Variants in PCDHA4 observed in about 807,000 individuals in gnomAD.
The protein encoded by PCDHA4 is protocadherin alpha-4.
PCDHA4 carries 49 observed loss-of-function variants against 61.4 expected under a neutral mutation model. The observed-to-expected ratio is 0.80, with a 90% CI of 0.63 to 1.01. The LOEUF (loss-of-function observed/expected upper bound fraction) is 1.01, where lower values mean the gene tolerates loss of function less well. PCDHA4 is among the 50% of genes least tolerant of loss of function. The probability of loss-of-function intolerance (pLI) is 0.00; values close to 1 mark genes in which losing one functional copy is unlikely to be tolerated. For missense variants in PCDHA4, 1,254 were observed against 1,235.8 expected, an observed-to-expected ratio of 1.01 and a Z score of -0.22; for synonymous variants, 590 against 550.3, an observed-to-expected ratio of 1.07 and a Z score of -1.01.
chr5:140,877,326 G>C (rs781931363), intron 1 of PCDHA4: 3 of 1,613,964 alleles, frequency 1.9e-6, no homozygotes. Flanking sequence ...CGGTCGGCGC[G>C]CACATCCCGT....
intron 3 of PCDHA4, among the ~76,000 whole-genome samples, chr5:141,003,395 T>G (rs1217089473): frequency 6.6e-6 from 1 of 152,160 alleles, no homozygotes; most frequent in Non-Finnish European, 1.5e-5. Flanking sequence ...CACTGAAACC[T>G]CCGCCTCCCG....
intron 1 of PCDHA4, among the ~76,000 whole-genome samples, chr5:140,913,421 A>T (rs2076328410): frequency 6.6e-6 from 1 of 152,144 alleles, no homozygotes; most frequent in Non-Finnish European, 1.5e-5. Flanking sequence ...CTGCAGTATC[A>T]GTTGTAATGC....
At chr5:140,856,911 T>C in intron 1 of PCDHA4, 2 of 1,595,928 alleles carry the variant, frequency 1.3e-6, no homozygotes, top group South Asian at 2.2e-5. Context: ...CCACCCACGA[T>C]AAGAAGGAAA....
At chr5:140,856,634 C>A (rs2044123180) in intron 1 of PCDHA4, 2 of 1,597,826 alleles carry the variant, frequency 1.3e-6, no homozygotes, top group African/African-American at 1.3e-5. Flanking sequence ...GCTTGTTCTG[C>A]GGAAGCTGCT....
At chr5:140,997,504 C>T (rs2097772452) in intron 3 of PCDHA4, among the ~76,000 whole-genome samples, 1 of 152,042 alleles carries the variant, frequency 6.6e-6, no homozygotes, top group South Asian at 2.1e-4. Flanking sequence ...TCTCAACATA[C>T]CTAAACGCAG....
chr5:140,810,836 A>G (rs1562230266), intron 1 of PCDHA4: 1 of 152,108 alleles, frequency 6.6e-6, no homozygotes, highest in East Asian at 1.9e-4. Flanking sequence ...ATAGAAAGTC[A>G]TAATTTTGAT....
chr5:140,942,590 A>G (rs868979857), intron 1 of PCDHA4, among the ~76,000 whole-genome samples: 1 of 148,658 alleles, frequency 6.7e-6, no homozygotes, highest in Admixed American at 6.8e-5. Context: ...GATGTCACAT[A>G]TAATTATAGT....
At chr5:141,006,553 G>A (rs1554260809) in intron 3 of PCDHA4, among the ~76,000 whole-genome samples, 1 of 152,168 alleles carries the variant, frequency 6.6e-6, no homozygotes, top group African/African-American at 2.4e-5. Context: ...AAGAAATAAA[G>A]ATGACTCTGG....
intron 3 of PCDHA4, among the ~76,000 whole-genome samples, chr5:141,007,101 A>T (rs1412645072): frequency 6.6e-5 from 10 of 152,188 alleles, no homozygotes; most frequent in African/African-American, 1.7e-4. Flanking sequence ...TCTAGGGCCA[A>T]ACCCAAGGAA....
chr5:140,849,923 G>C, intron 1 of PCDHA4: 3 of 1,598,322 alleles, frequency 1.9e-6, no homozygotes, highest in Non-Finnish European at 2.6e-6. Context: ...ACATCTTCAC[G>C]GTGTCTGCGC....
intron 1 of PCDHA4, chr5:140,822,153 T>C (rs2150114152): frequency 6.2e-7 from 1 of 1,614,244 alleles, no homozygotes; most frequent in South Asian, 1.1e-5. Context: ...AGGACATCAA[T>C]GACAATCCGC....
At chr5:140,823,630 A>G in intron 1 of PCDHA4, 2 of 1,614,062 alleles carry the variant, frequency 1.2e-6, no homozygotes, top group Non-Finnish European at 1.7e-6. Context: ...CAGTGCGCGC[A>G]TCCCGTTCCG....
In PCDHA4 at chr5:140,822,649, T is replaced by C. The variant is rs2150118201; in HGVS notation, c.2385+13077T>C. 1.9e-6 allele frequency: 3 copies of C among 1,609,918 alleles called. No homozygotes were observed. In the South Asian group the frequency reaches 3.3e-5, roughly 18 times the overall value. ...TGTTCTTGACGATGTAAAGTCCAAATTTATAATTAATTCTAATACTGGTGA... is the reference window on the plus strand; with the variant it reads ...TGTTCTTGACGATGTAAAGTCCAAACTTATAATTAATTCTAATACTGGTGA... On this transcript the variant is annotated intron_variant, in intron 1 of 3. Transcript: ENST00000530339.
intron 1 of PCDHA4, chr5:140,828,163 G>T (rs1244863106): frequency 1.9e-6 from 3 of 1,614,068 alleles, no homozygotes; most frequent in Non-Finnish European, 2.5e-6. Context: ...TCGCAGCCTG[G>T]AAGGTGGGGA....
chr5:140,886,602 C>A (rs1167539535), intron 1 of PCDHA4, among the ~76,000 whole-genome samples: 1 of 151,638 alleles, frequency 6.6e-6, no homozygotes, highest in Non-Finnish European at 1.5e-5. Flanking sequence ...CCAAGGTGGG[C>A]GGATCAGGAG....
chr5:140,828,017 TA>T lies in PCDHA4; in HGVS notation c.2385+18448del, dbSNP rs1483832628. 6 of 1,514,042 alleles carry T rather than the reference TA, an allele frequency of 4.0e-6. No individual in the cohort carries two copies. In the African/African-American group the frequency reaches 8.4e-5, roughly 21 times the overall value. 93.8% of individuals were successfully genotyped at this position (1,514,042 alleles called of 1,614,324 possible). A position where few individuals can be genotyped will look rare whatever the true frequency, so the allele number is the denominator to read the frequency against. ...GGCGGACGCAGAAGAAATGGATTAA[TA>T]AATTCCGGAACATACAGTATTTTAT... is the stretch of plus-strand genomic sequence containing the variant. On this transcript the variant is annotated intron_variant, in intron 1 of 3. Transcript: ENST00000530339.
chr5:140,829,672 G>A (rs1449427900), intron 1 of PCDHA4: 5 of 1,612,994 alleles, frequency 3.1e-6, no homozygotes, highest in South Asian at 2.2e-5. Flanking sequence ...ACCACGAGGA[G>A]CTAGAGCTGC....
chr5:140,818,984 A>G (rs1254064756), intron 1 of PCDHA4, among the ~76,000 whole-genome samples: 1 of 152,256 alleles, frequency 6.6e-6, no homozygotes, highest in African/African-American at 2.4e-5. Flanking sequence ...AACTATTCTC[A>G]TATTTTCTAT....
At position 140,856,610 on chromosome 5, in the gene PCDHA4, G is replaced by A. The variant is rs782134319; in HGVS notation, c.2385+47038G>A. Reference sequence around the variant, plus strand: ...TGATATTATAAACAAAAAAGACAAAGACAAATTCCCAGTGCTTGTTCTGCG... The same window carrying A: ...TGATATTATAAACAAAAAAGACAAAAACAAATTCCCAGTGCTTGTTCTGCG... On this transcript the variant is annotated intron_variant, in intron 1 of 3. Transcript: ENST00000530339. 5 of 1,597,928 alleles carry A rather than the reference G, an allele frequency of 3.1e-6. No homozygotes were observed. The Admixed American group carries it at 5.1e-5, about 16-fold the overall frequency.
Sources: gnomAD v4.1 joint callset for allele counts (sites outside exome capture counted in the v4.1 genomes callset) on GRCh38, gnomAD v4.1.1 for gene constraint, MANE v1.5 for transcripts, NCBI Gene and HGNC (gene_info 2026-07-23, HGNC 2026-07-21) for gene names.